The following CCNYL1 variants were observed in gnomAD, a reference collection of about 807,000 sequenced individuals.
CCNYL1 encodes cyclin-Y-like protein 1.
Under a neutral mutation model 44.2 loss-of-function variants are expected in CCNYL1, and 16 were observed. The ratio of observed to expected loss-of-function variants is 0.36; its 90% CI spans 0.25 to 0.55. The LOEUF is 0.55. Among genes scored for constraint, CCNYL1 ranks in the 20% least tolerant of loss-of-function variants. The pLI is 0.85. For missense variants in CCNYL1, 348 were observed against 451.8 expected (o/e 0.77, Z 2.08); for synonymous variants, 159 against 163.2 (o/e 0.97, Z 0.20).
chr2:207,736,096 G>T (rs2091762776), intron 4 of CCNYL1, among the ~76,000 whole-genome samples: 1 of 152,114 alleles, frequency 6.6e-6, no homozygotes, highest in African/African-American at 2.4e-5. Flanking sequence ...TTTAAGCCTT[G>T]GTTCCCATAT....
chr2:207,722,115 C>G (rs931360088), intron 1 of CCNYL1, among the ~76,000 whole-genome samples: 1 of 149,536 alleles, frequency 6.7e-6, no homozygotes, highest in Non-Finnish European at 1.5e-5. Flanking sequence ...CTCTGTTGAC[C>G]AGGCTGGGGG....
At chr2:207,748,456 C>G (rs1046653849) in intron 8 of CCNYL1, among the ~76,000 whole-genome samples, 1 of 152,128 alleles carries the variant, frequency 6.6e-6, no homozygotes, top group Non-Finnish European at 1.5e-5. Flanking sequence ...GGCCTCGTGT[C>G]GGCCGTGAAG....
At chr2:207,728,567 C>T (rs2091698130) in intron 3 of CCNYL1, among the ~76,000 whole-genome samples, 1 of 152,190 alleles carries the variant, frequency 6.6e-6, no homozygotes, top group Non-Finnish European at 1.5e-5. Flanking sequence ...TGAGCCACTG[C>T]ACCTAGCCAA....
At chr2:207,712,255 G>A (rs1444987999) in intron 1 of CCNYL1, 139 bp downstream of exon 1, 3 of 636,258 alleles carry the variant, frequency 4.7e-6, no homozygotes, top group Non-Finnish European at 5.2e-6. Flanking sequence ...GTTCTGCCTC[G>A]CGTCCCCACC....
chr2:207,718,052 G>T (rs527509827), intron 1 of CCNYL1, among the ~76,000 whole-genome samples: 6 of 151,546 alleles, frequency 4.0e-5, no homozygotes, highest in African/African-American at 1.2e-4. Flanking sequence ...CTACAAGCAC[G>T]TGCCACCACA....
At position 207,753,627 on chromosome 2, in the gene CCNYL1, G is replaced by A; in HGVS notation, c.1009G>A (p.Ala337Thr). The change falls in exon 10 of 10, where the codon GCC (alanine) becomes ACC (threonine). Residue 337 changes from alanine (A) to threonine (T), a missense_variant. Ala to Thr is a moderately conservative substitution (Grantham distance 58). Around this residue, in one of 3 missense-constraint regions of CCNYL1, gnomAD observed 94 missense variants for 102.4 expected, o/e 0.92. Coordinates refer to ENST00000295414, the MANE Select transcript of CCNYL1 (RefSeq NM_001330218.2). ...GTGTGAAGACAAAGACTTGTGTAGAGCCGCTATGAGAAGGTCTTTCAGTGC... is the reference window on the plus strand; with the variant it reads ...GTGTGAAGACAAAGACTTGTGTAGAACCGCTATGAGAAGGTCTTTCAGTGC... Reference protein sequence around the residue: ...RLCEDKDLCRAAMRRSFSADN... With the variant: ...RLCEDKDLCRTAMRRSFSADN... 6.2e-7 allele frequency: 1 copy of A among 1,610,362 alleles called. No individual in the cohort carries two copies. The highest frequency in any genetic ancestry group is 8.5e-7 in the Non-Finnish European group (1 of 1,178,226).
At chr2:207,714,333 T>A in intron 1 of CCNYL1, 1 of 421,368 alleles carries the variant, frequency 2.4e-6, no homozygotes, top group East Asian at 7.1e-5. Context: ...TTTTTTTTTT[T>A]TTTTTAAGAG....
In CCNYL1 at chr2:207,747,038, A is replaced by G. The variant is rs370514972; in HGVS notation, c.640-9A>G. ...AACTAAAATCAAAGACCAGTGCTCTATTTTACAGGTTTACTTAGAAAGGCT... is the reference window on the plus strand; with the variant it reads ...AACTAAAATCAAAGACCAGTGCTCTGTTTTACAGGTTTACTTAGAAAGGCT... On this transcript the variant is annotated splice_polypyrimidine_tract_variant and intron_variant, in intron 7 of 9. Coordinates refer to ENST00000295414, the MANE Select transcript of CCNYL1 (RefSeq NM_001330218.2). The G allele has an allele frequency of 5.6e-6, 9 of 1,610,768 alleles. No individual in the cohort carries two copies. In the African/African-American group the frequency reaches 6.7e-5, roughly 12 times the overall value.
intron 8 of CCNYL1, among the ~76,000 whole-genome samples, chr2:207,750,420 A>C (rs962691205): frequency 6.6e-6 from 1 of 152,068 alleles, no homozygotes; most frequent in African/African-American, 2.4e-5. Flanking sequence ...TATTTATTTG[A>C]GATGAATCCT....
intron 3 of CCNYL1, among the ~76,000 whole-genome samples, chr2:207,733,420 T>C (rs898323967): frequency 6.6e-6 from 1 of 152,144 alleles, no homozygotes; most frequent in African/African-American, 2.4e-5. Context: ...TCACTGAGGG[T>C]GATGGAGCAG....
At chr2:207,742,426 T>A (rs2091818669) in intron 7 of CCNYL1, 84 bp downstream of exon 7, 1 of 1,255,886 alleles carries the variant, frequency 8.0e-7, no homozygotes, top group South Asian at 1.8e-5. Flanking sequence ...TAAAAATAGG[T>A]TCCTGAAATT....
chr2:207,718,975 T>TA (rs567430818), intron 1 of CCNYL1, among the ~76,000 whole-genome samples: 7,896 of 138,526 alleles, frequency 0.057, 251 homozygotes, highest in Non-Finnish European at 0.077. Flanking sequence ...ATGGAGCTGT[T>TA]AAAAAAAAAA....
intron 7 of CCNYL1, 72 bp from the exon 8 acceptor site, chr2:207,746,975 C>CAAAA (rs74269714): frequency 6.0e-6 from 6 of 996,688 alleles, no homozygotes; most frequent in African/African-American, 2.2e-5. Flanking sequence ...AACTCCGTCT[C>CAAAA]AAAAAAAAAA....
intron 7 of CCNYL1, among the ~76,000 whole-genome samples, chr2:207,745,694 A>G (rs577077473): frequency 1.3e-5 from 2 of 152,214 alleles, no homozygotes; most frequent in African/African-American, 4.8e-5. Context: ...CACGCCTGTA[A>G]TCCCAGCACT....
Position 207,711,881 on chromosome 2 carries a change from G to C in CCNYL1, c.-16G>C. 1 of 1,367,772 alleles carries C rather than the reference G, an allele frequency of 7.3e-7. No individual in the cohort carries two copies. The highest frequency in any genetic ancestry group is 9.5e-7 in the Non-Finnish European group (1 of 1,055,814). 84.7% of individuals were successfully genotyped at this position (1,367,772 alleles called of 1,614,324 possible). ...GGGCGAGCGAAGGCGGTGGCAGAGA[G>C]GAGCGGAGGCTTCCCATGGGGAACA... On this transcript the variant is annotated 5_prime_UTR_variant, in exon 1 of 10. Transcript: ENST00000295414.
intron 3 of CCNYL1, among the ~76,000 whole-genome samples, chr2:207,731,806 CTTTTTT>C (rs58231431): frequency 2.4e-5 from 2 of 84,702 alleles, no homozygotes; most frequent in East Asian, 3.1e-4. Flanking sequence ...GAGGTTTCTT[CTTTTTT>C]TTTTTTTTTT....
chr2:207,726,739 G>T, intron 2 of CCNYL1, 103 bp from the exon 3 acceptor site: 1 of 710,300 alleles, frequency 1.4e-6, no homozygotes, highest in South Asian at 2.0e-5. Flanking sequence ...TTTTTAAATG[G>T]AATTTTATCT....
intron 7 of CCNYL1, among the ~76,000 whole-genome samples, chr2:207,744,988 G>A (rs1166616466): frequency 6.6e-6 from 1 of 152,136 alleles, no homozygotes; most frequent in African/African-American, 2.4e-5. Flanking sequence ...ACAATATTAG[G>A]GAAGACTTGG....
intron 4 of CCNYL1, among the ~76,000 whole-genome samples, chr2:207,734,543 A>C (rs912517670): frequency 6.6e-6 from 1 of 152,112 alleles, no homozygotes; most frequent in African/African-American, 2.4e-5. Flanking sequence ...CACTTTCAGA[A>C]CACCCTAAGA....
Sources: gnomAD v4.1 joint callset for allele counts (sites outside exome capture counted in the v4.1 genomes callset) on GRCh38, gnomAD v4.1.1 for gene constraint, gnomAD v4.1.1 regional missense constraint, MANE v1.5 for transcripts, NCBI Gene and HGNC (gene_info 2026-07-23, HGNC 2026-07-21) for gene names.